Variants in ABCC3 observed in about 807,000 individuals in gnomAD.
The protein encoded by ABCC3 is ATP-binding cassette sub-family C member 3.
A neutral mutation model predicts 165.3 loss-of-function variants in ABCC3; 121 were observed. The observed-to-expected ratio is 0.73, with a 90% CI of 0.63 to 0.85. ABCC3 has a LOEUF of 0.85. ABCC3 is among the 40% of genes least tolerant of loss of function. The probability of loss-of-function intolerance (pLI) is 0.00; values close to 1 mark genes in which losing one functional copy is unlikely to be tolerated. For synonymous variants in ABCC3, 733 were observed against 810.1 expected (o/e 0.90, Z 1.62); for missense variants, 1,869 against 1,964.1 (o/e 0.95, Z 0.92).
At position 50,669,139 on chromosome 17, in the gene ABCC3, G is replaced by C. The variant is rs1378323524; in HGVS notation, c.1938-1G>C. 1 of 1,596,988 alleles carries C rather than the reference G, an allele frequency of 6.3e-7. No individual in the cohort carries two copies. The highest frequency in any genetic ancestry group is 8.5e-7 in the Non-Finnish European group (1 of 1,174,142). On this transcript the variant is annotated splice_acceptor_variant, in intron 15 of 30. Transcript: ENST00000285238. LOFTEE classifies it high-confidence loss of function. ...TGGACTCCTGGGGTCCTTGCCCCCAGCCTAGACATCCAGGTCCCGAAAGGG... is the reference window on the plus strand; with the variant it reads ...TGGACTCCTGGGGTCCTTGCCCCCACCCTAGACATCCAGGTCCCGAAAGGG...
intron 1 of ABCC3, among the ~76,000 whole-genome samples, chr17:50,646,199 A>T (rs918163305): frequency 2.0e-5 from 3 of 152,216 alleles, no homozygotes; most frequent in African/African-American, 7.2e-5. Context: ...ATTGAGAAAG[A>T]AAGACTTCAG....
chr17:50,658,304 G>A, intron 5 of ABCC3, 97 bp downstream of exon 5: 1 of 1,595,598 alleles, frequency 6.3e-7, no homozygotes, highest in Non-Finnish European at 8.6e-7. Context: ...TTCAAAGTGG[G>A]AGAGAGGTCA....
At chr17:50,683,503 A>T (rs1377462727) in intron 26 of ABCC3, 107 bp from the exon 27 acceptor site, 1 of 1,306,706 alleles carries the variant, frequency 7.7e-7, no homozygotes, top group Non-Finnish European at 1.0e-6. Flanking sequence ...GGACCCTCCC[A>T]GGGACCATAG....
chr17:50,688,924 C>T (rs1047014874), intron 30 of ABCC3, among the ~76,000 whole-genome samples: 3 of 149,606 alleles, frequency 2.0e-5, no homozygotes, highest in African/African-American at 7.4e-5. Flanking sequence ...AAAATGGTGG[C>T]CAACGCGGTG....
chr17:50,665,263 T>C lies in ABCC3; in HGVS notation c.1431+18T>C. On this transcript the variant is annotated intron_variant, in intron 11 of 30. Transcript: ENST00000285238. ...CCTTCCAGGTAGGTGCTGTCAGAGG[T>C]GCATCCTCCTGCCTGCAGCACCCGG... 6.2e-7 allele frequency: 1 copy of C among 1,612,130 alleles called. No homozygotes were observed. Among genetic ancestry groups the C allele is most frequent in the Non-Finnish European group, 8.5e-7 (1 of 1,178,806 alleles).
rs534717187 is a variant in ABCC3 at position 50,659,355 on chromosome 17, A to C, written c.793A>C (p.Lys265Gln). Reference sequence around the variant, plus strand: ...GCTGGAGGCATGGAGGAAGCAGGAAAAGCAGACGGCACGGTGAGGCCCTCC... The same window carrying C: ...GCTGGAGGCATGGAGGAAGCAGGAACAGCAGACGGCACGGTGAGGCCCTCC... ...QLLEAWRKQE[K>Q]QTARHKASAA... The change falls in exon 7 of 31, where the codon AAG (lysine) becomes CAG (glutamine). Residue 265 changes from lysine (K) to glutamine (Q), a missense_variant. Transcript: ENST00000285238. The C allele has an allele frequency of 6.2e-7, 1 of 1,610,066 alleles. No individual in the cohort carries two copies. The highest frequency in any genetic ancestry group is 1.3e-5 in the African/African-American group (1 of 74,972).
At chr17:50,686,565 G>A (rs1394734010) in intron 29 of ABCC3, among the ~76,000 whole-genome samples, 1 of 152,008 alleles carries the variant, frequency 6.6e-6, no homozygotes, top group East Asian at 1.9e-4. Flanking sequence ...TCCAGACCCT[G>A]TGCCCCATGA....
At chr17:50,643,627 T>A (rs1225812002) in intron 1 of ABCC3, 1 of 456,248 alleles carries the variant, frequency 2.2e-6, no homozygotes, top group Admixed American at 2.3e-5. Flanking sequence ...GGGAAGGGGA[T>A]CTCTCTAGGA....
intron 1 of ABCC3, among the ~76,000 whole-genome samples, chr17:50,653,977 A>C (rs1293942333): frequency 6.6e-6 from 1 of 152,140 alleles, no homozygotes; most frequent in Non-Finnish European, 1.5e-5. Flanking sequence ...GTTACAAGAA[A>C]CTCTCATGTT....
intron 8 of ABCC3, among the ~76,000 whole-genome samples, chr17:50,661,945 A>G (rs1247985944): frequency 6.6e-6 from 1 of 152,226 alleles, no homozygotes; most frequent in Non-Finnish European, 1.5e-5. Flanking sequence ...GCTTAGTCAC[A>G]AAGCCCTGAA....
Position 50,651,051 on chromosome 17 carries a change from C to T in ABCC3, c.46-4781C>T, listed in dbSNP as rs1014564075. ...CTGCACTCCAGCCTGGGTGACAGCGCGAGACTCCATCTCAGAAAAAAAAAA... is the reference window on the plus strand; with the variant it reads ...CTGCACTCCAGCCTGGGTGACAGCGTGAGACTCCATCTCAGAAAAAAAAAA... On this transcript the variant is annotated intron_variant, in intron 1 of 30. Coordinates refer to ENST00000285238, the MANE Select transcript of ABCC3 (RefSeq NM_003786.4). 9.3e-5 allele frequency among the ~76,000 whole-genome samples: 12 copies of T among 129,428 alleles called. No individual in the cohort carries two copies. The East Asian group carries it at 1.1e-3, about 12-fold the overall frequency. The allele number at this position is 129,428 out of a possible 152,430, so 84.9% of individuals were successfully genotyped here.
intron 1 of ABCC3, among the ~76,000 whole-genome samples, chr17:50,645,371 CAAAAAAAAAAAA>C (rs141598761): frequency 3.2e-4 from 15 of 46,870 alleles, no homozygotes; most frequent in East Asian, 1.2e-3. Flanking sequence ...AAGATTCCAT[CAAAAAAAAAAAA>C]AAAAAAAAAA....
intron 17 of ABCC3, 115 bp from the exon 18 acceptor site, chr17:50,672,854 TGA>T: frequency 2.3e-6 from 2 of 885,740 alleles, no homozygotes; most frequent in South Asian, 3.5e-5. Context: ...CCTGGGTGAG[TGA>T]GACCCCATCT....
intron 25 of ABCC3, among the ~76,000 whole-genome samples, chr17:50,678,649 G>A (rs982469913): frequency 2.6e-5 from 4 of 152,184 alleles, no homozygotes; most frequent in Admixed American, 6.5e-5. Flanking sequence ...GGGACTGGGT[G>A]CAGTGGCTCA....
In ABCC3 at chr17:50,661,099, A is replaced by G. The variant is rs771517700; in HGVS notation, c.983A>G (p.Asn328Ser). The G allele has an allele frequency of 6.8e-6, 11 of 1,612,946 alleles. No individual in the cohort carries two copies. The highest frequency in any genetic ancestry group is 1.6e-4 in the Middle Eastern group (1 of 6,074). The change falls in exon 8 of 31, where the codon AAT becomes AGT. Residue 328 changes from asparagine to serine, a missense_variant. By Grantham distance (46) the Asn-to-Ser change is conservative. Transcript: ENST00000285238. ...ATCCAGGACCTGCTCTCCTTCATCA[A>G]TCCACAGCTGCTCAGGTCTCTCCAC... is the stretch of plus-strand genomic sequence containing the variant. Reference protein sequence around the residue: ...KLIQDLLSFINPQLLSILIRF... With the variant: ...KLIQDLLSFISPQLLSILIRF...
At chr17:50,641,103 AC>A (rs1348123091) in intron 1 of ABCC3, among the ~76,000 whole-genome samples, 6 of 151,482 alleles carry the variant, frequency 4.0e-5, no homozygotes, top group African/African-American at 1.5e-4. Context: ...CGGGGTCCTC[AC>A]CCCCCGCCCC....
chr17:50,661,526 C>G (rs1967387518), intron 8 of ABCC3, among the ~76,000 whole-genome samples: 1 of 152,158 alleles, frequency 6.6e-6, no homozygotes, highest in Non-Finnish European at 1.5e-5. Context: ...TGCTCTGTCC[C>G]CACCATCAGG....
chr17:50,668,086 AG>A (rs1967565945), intron 13 of ABCC3, 77 bp downstream of exon 13: 1 of 1,219,900 alleles, frequency 8.2e-7, no homozygotes. Flanking sequence ...ACTTAGGGCA[AG>A]GGATAATCAG....
chr17:50,688,061 A>G (rs1723660776), intron 30 of ABCC3, among the ~76,000 whole-genome samples: 1 of 151,376 alleles, frequency 6.6e-6, no homozygotes, highest in Non-Finnish European at 1.5e-5. Flanking sequence ...ACAGGCGTGC[A>G]CCACCACATC....
Sources: allele counts gnomAD v4.1 joint callset (sites outside exome capture counted in the v4.1 genomes callset), GRCh38; gene constraint gnomAD v4.1.1; transcripts MANE v1.5; gene names NCBI Gene and HGNC (gene_info 2026-07-23, HGNC 2026-07-21).